The following ARID4A variants were observed in gnomAD, a reference collection of about 807,000 sequenced individuals.
ARID4A encodes AT-rich interactive domain-containing protein 4A.
ARID4A carries 39 observed loss-of-function variants against 148.6 expected under a neutral mutation model. The ratio of observed to expected loss-of-function variants is 0.26; its 90% confidence interval spans 0.20 to 0.34. ARID4A has a LOEUF of 0.34. Ranked by LOEUF, ARID4A falls within the 10% of genes least tolerant of loss-of-function variation. The pLI, the probability that ARID4A is intolerant of heterozygous loss-of-function variation, is 1.00. For missense variants in ARID4A, 1,265 were observed against 1,449.1 expected (o/e 0.87, Z 2.06); for synonymous variants, 475 against 481.2 (o/e 0.99, Z 0.17).
At chr14:58,348,045 T>C (rs2034456923) in intron 15 of ARID4A, among the ~76,000 whole-genome samples, 167 bp downstream of exon 15, 1 of 152,236 alleles carries the variant, frequency 6.6e-6, no homozygotes, top group Non-Finnish European at 1.5e-5. Flanking sequence ...TATTATTTCC[T>C]CTACCTGAAA....
chr14:58,328,991 C>CA (rs10712188), intron 9 of ARID4A, among the ~76,000 whole-genome samples: 33 of 142,574 alleles, frequency 2.3e-4, no homozygotes, highest in East Asian at 6.4e-4. Flanking sequence ...GACTCTGTCT[C>CA]AAAAAAAAAA....
In ARID4A at chr14:58,347,732, G is replaced by GA; in HGVS notation, c.1266dup (p.Asp423ArgfsTer24). On this transcript the variant is annotated frameshift_variant, in exon 15 of 24. Transcript: ENST00000355431. LOFTEE classifies it high-confidence loss of function. ...TCACCATGAACCAAAAGTAAAAGAG[G>GA]AAAAAAAAGACTTAGAAGAATCAAT... 1 of 1,612,804 alleles carries GA rather than the reference G, an allele frequency of 6.2e-7. No individual in the cohort carries two copies. The highest frequency in any genetic ancestry group is 1.1e-5 in the South Asian group (1 of 91,000).
At chr14:58,363,589 A>G (rs1159553611) in intron 19 of ARID4A, among the ~76,000 whole-genome samples, 1 of 152,048 alleles carries the variant, frequency 6.6e-6, no homozygotes, top group Admixed American at 6.6e-5. Context: ...CCAGCTCCTC[A>G]GGAGGCTGAG....
intron 17 of ARID4A, among the ~76,000 whole-genome samples, chr14:58,355,391 A>G (rs1448692302): frequency 6.6e-6 from 1 of 152,164 alleles, no homozygotes; most frequent in African/African-American, 2.4e-5. Flanking sequence ...ATATCCTATG[A>G]TTTTTCCTAT....
intron 8 of ARID4A, 105 bp downstream of exon 8, chr14:58,323,722 G>T: frequency 1.0e-6 from 1 of 973,996 alleles, no homozygotes; most frequent in South Asian, 1.7e-5. Flanking sequence ...AACAAATTTG[G>T]ACTTTATTGG....
chr14:58,334,124 G>GA (rs897788372), intron 11 of ARID4A, among the ~76,000 whole-genome samples: 1 of 151,984 alleles, frequency 6.6e-6, no homozygotes, highest in African/African-American at 2.4e-5. Context: ...GATTAATGAG[G>GA]ATTCCACATT....
intron 11 of ARID4A, 130 bp downstream of exon 11, chr14:58,330,299 T>A: frequency 7.5e-7 from 1 of 1,338,052 alleles, no homozygotes; most frequent in Non-Finnish European, 1.0e-6. Context: ...ATTGCTTAAT[T>A]TGGGTGTTGA....
At chr14:58,306,229 A>G in intron 5 of ARID4A, 117 bp downstream of exon 5, 1 of 767,314 alleles carries the variant, frequency 1.3e-6, no homozygotes, top group Admixed American at 2.3e-5. Flanking sequence ...CTGTCAGTTT[A>G]CTGGATATAG....
rs200701889 is a variant in ARID4A, at chr14:58,346,437, T to C, written c.1006T>C (p.Leu336=). The change falls in exon 13 of 24, where the codon TTG becomes CTG. Residue 336 remains leucine (L), a synonymous_variant. Coordinates refer to ENST00000355431, the MANE Select transcript of ARID4A (RefSeq NM_002892.4). ...RGTPINKPPV[L]GYKDLNLFKL... The stretch of plus-strand genomic sequence containing the variant: ...TACTCCAATCAACAAACCACCTGTT[T>C]TGGGCTATAAAGATCTCAATCTCTT... The C allele has an allele frequency of 4.4e-6, 7 of 1,608,220 alleles. No homozygotes were observed. Among genetic ancestry groups the C allele is most frequent in the Non-Finnish European group, 5.1e-6 (6 of 1,176,780 alleles).
chr14:58,371,971 T>G lies in ARID4A; in HGVS notation c.3756T>G (p.Leu1252=), dbSNP rs375518499. 2 of 1,607,950 alleles carry G rather than the reference T, an allele frequency of 1.2e-6. No individual in the cohort carries two copies. Among genetic ancestry groups the G allele is most frequent in the African/African-American group, 2.7e-5 (2 of 74,844 alleles). ...CATCATCTCCCCCACAAAATGTACTTGCTGTAGAATGCAGGTGATAAACAT... is the reference window on the plus strand; with the variant it reads ...CATCATCTCCCCCACAAAATGTACTGGCTGTAGAATGCAGGTGATAAACAT... The part of the protein sequence containing the change: ...PSSSSPPQNV[L]AVECR The change falls in exon 24 of 24, where the codon CTT becomes CTG. Residue 1252 remains leucine (L), a synonymous_variant. Transcript: ENST00000355431.
chr14:58,304,883 T>G, intron 3 of ARID4A, 61 bp from the exon 4 acceptor site: 2 of 1,304,544 alleles, frequency 1.5e-6, no homozygotes, highest in Non-Finnish European at 2.2e-6. Context: ...TGTTATAGTG[T>G]TACTATAAAT....
At chr14:58,323,691 T>C in intron 8 of ARID4A, 74 bp downstream of exon 8, 1 of 1,379,724 alleles carries the variant, frequency 7.2e-7, no homozygotes, top group East Asian at 2.3e-5. Context: ...TAAAAGCATT[T>C]AAAATATTTT....
In ARID4A at chr14:58,318,743, G is replaced by A; in HGVS notation, c.387G>A (p.Glu129=). The change falls in exon 7 of 24, where the codon GAG becomes GAA. Residue 129 remains glutamate, a synonymous_variant. Transcript: ENST00000355431. ...TLDQLPLTNP[E]HFGTPVIAKK... ...ACCAGCTTCCATTAACAAATCCAGA[G>A]CATTTTGGAACTCCAGTAATTGCAA... The A allele has an allele frequency of 6.2e-7, 1 of 1,614,104 alleles. No individual in the cohort carries two copies. Among genetic ancestry groups the A allele is most frequent in the Non-Finnish European group, 8.5e-7 (1 of 1,180,000 alleles).
At chr14:58,346,527 G>C (rs758690170) in intron 13 of ARID4A, 22 bp downstream of exon 13, 1 of 1,523,242 alleles carries the variant, frequency 6.6e-7, no homozygotes, top group South Asian at 1.1e-5. Flanking sequence ...ATTGCTTTTT[G>C]AAACATGTAT....
intron 11 of ARID4A, among the ~76,000 whole-genome samples, chr14:58,344,384 TA>T (rs1277094458): frequency 3.3e-5 from 5 of 151,884 alleles, no homozygotes; most frequent in Admixed American, 1.3e-4. Flanking sequence ...AAATGGGCTT[TA>T]AAAAAAATAT....
chr14:58,312,130 C>G (rs1449059344), intron 5 of ARID4A, among the ~76,000 whole-genome samples: 1 of 151,954 alleles, frequency 6.6e-6, no homozygotes, highest in Non-Finnish European at 1.5e-5. Flanking sequence ...AAGTGATCCA[C>G]ATGTTAATTA....
chr14:58,348,743 T>C (rs931637528), intron 15 of ARID4A, among the ~76,000 whole-genome samples: 4 of 152,380 alleles, frequency 2.6e-5, no homozygotes, highest in East Asian at 1.9e-4. Flanking sequence ...CTTTGTCTTA[T>C]AGTTCAGAAA....
At chr14:58,343,571 G>A (rs920817990) in intron 11 of ARID4A, among the ~76,000 whole-genome samples, 1 of 152,174 alleles carries the variant, frequency 6.6e-6, no homozygotes, top group African/African-American at 2.4e-5. Flanking sequence ...GCTTATGCCT[G>A]TAATCCCAGC....
chr14:58,328,885 C>T (rs761996436), intron 9 of ARID4A, among the ~76,000 whole-genome samples: 3 of 151,166 alleles, frequency 2.0e-5, no homozygotes, highest in Non-Finnish European at 4.4e-5. Context: ...CCTAGCTTCT[C>T]GGGAGGCTGA....
Sources: allele counts gnomAD v4.1 joint callset (sites outside exome capture counted in the v4.1 genomes callset), GRCh38; gene constraint gnomAD v4.1.1; transcripts MANE v1.5; gene names NCBI Gene and HGNC (gene_info 2026-07-23, HGNC 2026-07-21).